KIF13A: variants seen among roughly 807,000 people sequenced by gnomAD.
KIF13A encodes kinesin family member 13A, also known as kinesin-like protein KIF13A.
Under a neutral mutation model 212.2 loss-of-function variants are expected in KIF13A, and 79 were observed. The ratio of observed to expected loss-of-function variants is 0.37; its 90% CI spans 0.31 to 0.45. The LOEUF is 0.45. Among genes scored for constraint, KIF13A ranks in the 20% least tolerant of loss-of-function variants. KIF13A has a pLI of 1.00. For synonymous variants in KIF13A, 789 were observed against 808.6 expected (o/e 0.98, Z 0.41); for missense variants, 1,901 against 2,209.0 (o/e 0.86, Z 2.79).
intron 3 of KIF13A, among the ~76,000 whole-genome samples, chr6:17,891,846 T>C (rs1772093006): frequency 6.6e-6 from 1 of 152,170 alleles, no homozygotes; most frequent in South Asian, 2.1e-4. Context: ...CATTCATGAA[T>C]CCATGGCTTT....
chr6:17,864,058 A>G (rs1769118488), intron 4 of KIF13A, among the ~76,000 whole-genome samples: 1 of 152,178 alleles, frequency 6.6e-6, no homozygotes, highest in African/African-American at 2.4e-5. Context: ...TCTAGGGGAA[A>G]GCATACCAGC....
chr6:17,771,341 A>C lies in KIF13A; in HGVS notation c.4477-123T>G, dbSNP rs1759478437. On this transcript the variant is annotated intron_variant, in intron 37 of 38. Coordinates refer to ENST00000259711, the MANE Select transcript of KIF13A (RefSeq NM_022113.6). This position sits in a 1 kb window ranked among gnomAD's most constrained non-coding sequence, Gnocchi z 5.4. ...TCTTATTACATGTGAGTAATGCAGC[A>C]GCCAATTCTGCAGGCCAGAGTTAAA... 1.6e-6 allele frequency: 1 copy of C among 644,306 alleles called. No individual in the cohort carries two copies. Among genetic ancestry groups the C allele is most frequent in the South Asian group, 1.8e-5 (1 of 55,320 alleles). The allele number at this position is 644,306 out of a possible 1,614,324, so 39.9% of individuals were successfully genotyped here.
chr6:17,779,056 G>T lies in KIF13A; in HGVS notation c.3983C>A (p.Ala1328Glu). The change falls in exon 33 of 39, where the codon GCA (alanine) becomes GAA (glutamate). Residue 1328 changes from alanine to glutamate, a missense_variant. Ala to Glu is a moderately radical substitution (Grantham distance 107, BLOSUM62 -1). Coordinates refer to ENST00000259711, the MANE Select transcript of KIF13A (RefSeq NM_022113.6). ...IEDRETLALL[A>E]ARSENEGTSD... ...TGTGCCTTCGTTTTCACTCCTTGCT[G>T]CCAGGAGAGCCAGCGTTTCCCGGTC... The T allele has an allele frequency of 6.2e-7, 1 of 1,613,538 alleles. No individual in the cohort carries two copies. The highest frequency in any genetic ancestry group is 1.1e-5 in the South Asian group (1 of 91,052).
chr6:17,930,921 C>T (rs778131918), intron 2 of KIF13A, among the ~76,000 whole-genome samples: 1 of 152,172 alleles, frequency 6.6e-6, no homozygotes, highest in Non-Finnish European at 1.5e-5. Context: ...AAAAATTGTT[C>T]TCTGTATTCT....
At chr6:17,874,891 T>C (rs115949487) in intron 3 of KIF13A, among the ~76,000 whole-genome samples, 2,657 of 142,096 alleles carry the variant, frequency 0.019, 91 homozygotes, top group African/African-American at 0.063. Context: ...CCTGAATTAC[T>C]TCATTTAGAA....
chr6:17,889,970 C>A, intron 3 of KIF13A, among the ~76,000 whole-genome samples: 1 of 152,092 alleles, frequency 6.6e-6, no homozygotes, highest in Non-Finnish European at 1.5e-5. Flanking sequence ...CACGGAGAAA[C>A]CTGTTGACAG....
intron 34 of KIF13A, among the ~76,000 whole-genome samples, chr6:17,775,860 T>C (rs1471059590): frequency 6.6e-6 from 1 of 152,138 alleles, no homozygotes; most frequent in Non-Finnish European, 1.5e-5. Context: ...TTTTTTTTTT[T>C]AGATTACTTC....
intron 17 of KIF13A, among the ~76,000 whole-genome samples, chr6:17,814,802 G>T (rs1357340658): frequency 1.3e-5 from 2 of 152,202 alleles, no homozygotes; most frequent in Non-Finnish European, 2.9e-5. Context: ...CCTTATTATG[G>T]TAGTGGTGAT....
chr6:17,938,550 G>A (rs760053119), intron 2 of KIF13A, among the ~76,000 whole-genome samples: 2 of 152,008 alleles, frequency 1.3e-5, no homozygotes, highest in Non-Finnish European at 2.9e-5. Context: ...ATTATATTGC[G>A]GCAGCCTGGA....
chr6:17,766,275 T>C (rs1269948581), intron 38 of KIF13A, among the ~76,000 whole-genome samples: 1 of 141,994 alleles, frequency 7.0e-6, no homozygotes, highest in Non-Finnish European at 1.5e-5. Context: ...GTTTCACTCT[T>C]GTTGCCCAGG....
Position 17,811,557 on chromosome 6 carries a change from T to C in KIF13A, c.2001-2627A>G, listed in dbSNP as rs986236367. Among the ~76,000 whole-genome samples, 50 of 152,268 alleles carry C rather than the reference T, an allele frequency of 3.3e-4. No homozygotes were observed. The highest frequency in any genetic ancestry group is 2.4e-3 in the Admixed American group (37 of 15,286). On this transcript the variant is annotated intron_variant, in intron 17 of 38. Transcript: ENST00000259711. The surrounding 1 kb of genome is among the most constrained non-coding windows in gnomAD (Gnocchi z 6.0). ...AAAGAGAATAAACGACATCTGTGGC[T>C]TTCTTTGTAATTCTCACCAGCGTTT...
chr6:17,950,432 G>C (rs1777750950), intron 2 of KIF13A: 1 of 977,566 alleles, frequency 1.0e-6, no homozygotes, highest in Non-Finnish European at 1.2e-6. Context: ...TTTATTAATG[G>C]ATTACCAAAT....
intron 14 of KIF13A, among the ~76,000 whole-genome samples, chr6:17,827,852 C>T (rs1246154139): frequency 6.6e-6 from 1 of 152,120 alleles, no homozygotes; most frequent in Non-Finnish European, 1.5e-5. Context: ...CAAAACAAAA[C>T]ACTGGAGGTG....
chr6:17,875,969 CCAGAGACTTTT>C (rs1391151805), intron 3 of KIF13A, among the ~76,000 whole-genome samples: 2 of 152,144 alleles, frequency 1.3e-5, no homozygotes, highest in Non-Finnish European at 1.5e-5. Flanking sequence ...AAAAAGTCTT[CCAGAGACTTTT>C]CAGAAATGAA....
At chr6:17,862,144 C>G (rs564184786) in intron 4 of KIF13A, among the ~76,000 whole-genome samples, 2 of 152,096 alleles carry the variant, frequency 1.3e-5, no homozygotes, top group African/African-American at 4.8e-5. Flanking sequence ...GCCTCCCAAA[C>G]AACTGGGATT....
chr6:17,872,008 A>G lies in KIF13A; in HGVS notation c.220+1369T>C, dbSNP rs78052125. Among the ~76,000 whole-genome samples the G allele has an allele frequency of 8.9e-3, 1,354 of 152,322 alleles. 20 individuals carry two copies. The highest frequency in any genetic ancestry group is 0.031 in the African/African-American group (1,277 of 41,566). The stretch of plus-strand genomic sequence containing the variant: ...CCAGACTCTGAAGAACTTATTACAT[A>G]AAGTCCCAAAGGACTGATAAAAAGA... On this transcript the variant is annotated intron_variant, in intron 4 of 38. Transcript: ENST00000259711. The surrounding 1 kb of genome is among the most constrained non-coding windows in gnomAD (Gnocchi z 4.7).
intron 12 of KIF13A, among the ~76,000 whole-genome samples, chr6:17,833,497 CA>C (rs59654452): frequency 0.053 from 5,194 of 97,894 alleles, 93 homozygotes; most frequent in African/African-American, 0.11. Flanking sequence ...ACCTTGTCTT[CA>C]AAAAAAAAAA....
rs183928802 is a variant in KIF13A at position 17,813,274 on chromosome 6, G to A, written c.2000+3746C>T. On this transcript the variant is annotated intron_variant, in intron 17 of 38. Transcript: ENST00000259711. ...GCGGGCGGATCACCTGAGGTCAGGG[G>A]TTCGAGACCAGCCTGGCCAACATGG... Among the ~76,000 whole-genome samples the A allele has an allele frequency of 3.1e-3, 470 of 152,280 alleles. 3 individuals carry two copies. Among genetic ancestry groups the A allele is most frequent in the African/African-American group, 0.011 (447 of 41,554 alleles).
At chr6:17,936,351 G>A (rs766152902) in intron 2 of KIF13A, 6 of 184,504 alleles carry the variant, frequency 3.3e-5, no homozygotes, top group Middle Eastern at 4.8e-4. Context: ...GTTTCACCAT[G>A]GTGGCCAGGC....
Sources: allele counts gnomAD v4.1 joint callset (sites outside exome capture counted in the v4.1 genomes callset), GRCh38; gene constraint gnomAD v4.1.1; non-coding constraint Gnocchi (gnomAD v3.1); transcripts MANE v1.5; gene names NCBI Gene and HGNC (gene_info 2026-07-23, HGNC 2026-07-21).